Variants in RBFOX1 observed in about 807,000 individuals in gnomAD.
RBFOX1 encodes the protein RNA binding fox-1 homolog 1.
RBFOX1 carries 8 observed loss-of-function variants against 57.7 expected under a neutral mutation model. The ratio of observed to expected loss-of-function variants is 0.14; its 90% CI spans 0.08 to 0.25. The LOEUF (loss-of-function observed/expected upper bound fraction) is 0.25. Ranked by LOEUF, RBFOX1 falls within the 10% of genes least tolerant of loss-of-function variation. The pLI is 1.00. For synonymous variants in RBFOX1, 326 were observed against 222.4 expected, an observed-to-expected ratio of 1.47 and a Z score of -4.15; for missense variants, 611 against 548.5, an observed-to-expected ratio of 1.11 and a Z score of -1.14.
chr16:6,986,415 T>C (rs752489330), intron 3 of RBFOX1, among the ~76,000 whole-genome samples: 3 of 151,916 alleles, frequency 2.0e-5, no homozygotes, highest in Non-Finnish European at 4.4e-5. Context: ...GCCAGGCTGG[T>C]CTGGAACTCC....
At chr16:7,120,828 TATAC>T (rs1205952352) in intron 4 of RBFOX1, among the ~76,000 whole-genome samples, 3 of 32,548 alleles carry the variant, frequency 9.2e-5, no homozygotes, top group Non-Finnish European at 1.3e-4. Context: ...TATATGTATA[TATAC>T]ACACACACAC....
chr16:5,526,775 T>A (rs956144057), intron 2 of RBFOX1, among the ~76,000 whole-genome samples: 1 of 152,312 alleles, frequency 6.6e-6, no homozygotes, highest in African/African-American at 2.4e-5. Context: ...ACCTACTGCC[T>A]GGCACACACT....
intron 3 of RBFOX1, among the ~76,000 whole-genome samples, chr16:7,022,234 G>T (rs2039519568): frequency 6.6e-6 from 1 of 150,498 alleles, no homozygotes; most frequent in Non-Finnish European, 1.5e-5. Flanking sequence ...GTATTCTTTG[G>T]TAGAGACGGG....
intron 10 of RBFOX1, among the ~76,000 whole-genome samples, chr16:7,626,469 G>A (rs1017635754): frequency 1.1e-4 from 17 of 152,122 alleles, no homozygotes; most frequent in Non-Finnish European, 2.2e-4. Context: ...CGATGATCCC[G>A]GCACTCAGAG....
chr16:6,842,864 C>A (rs567259210), intron 3 of RBFOX1, among the ~76,000 whole-genome samples: 2 of 151,942 alleles, frequency 1.3e-5, no homozygotes, highest in Non-Finnish European at 2.9e-5. Flanking sequence ...ATGTTCCCCT[C>A]CCTGTGTCCA....
At chr16:6,842,472 G>T (rs189537195) in intron 3 of RBFOX1, among the ~76,000 whole-genome samples, 1 of 151,982 alleles carries the variant, frequency 6.6e-6, no homozygotes, top group Non-Finnish European at 1.5e-5. Flanking sequence ...ATATGAATGT[G>T]TGTGTTTGTT....
chr16:5,872,553 G>A (rs1229872093), intron 4 of RBFOX1, among the ~76,000 whole-genome samples: 1 of 151,826 alleles, frequency 6.6e-6, no homozygotes, highest in Non-Finnish European at 1.5e-5. Flanking sequence ...CAACAGATGA[G>A]GAAGAACCGA....
At chr16:7,326,016 C>T (rs922827844) in intron 4 of RBFOX1, among the ~76,000 whole-genome samples, 1 of 152,144 alleles carries the variant, frequency 6.6e-6, no homozygotes, top group African/African-American at 2.4e-5. Context: ...GTATTACAGG[C>T]ATGTAGGGAA....
intron 2 of RBFOX1, among the ~76,000 whole-genome samples, chr16:6,596,319 C>G (rs1040093955): frequency 3.9e-5 from 6 of 152,138 alleles, no homozygotes; most frequent in African/African-American, 1.2e-4. Context: ...GCATTTGTAT[C>G]TTTGCATATG....
intron 2 of RBFOX1, among the ~76,000 whole-genome samples, chr16:6,320,934 C>T (rs1226903423): frequency 1.3e-5 from 2 of 152,114 alleles, no homozygotes; most frequent in Non-Finnish European, 2.9e-5. Flanking sequence ...GCTGAGATTA[C>T]AGGCACCCAC....
chr16:6,990,440 G>C (rs747414634), intron 3 of RBFOX1, among the ~76,000 whole-genome samples: 1 of 152,034 alleles, frequency 6.6e-6, no homozygotes, highest in Non-Finnish European at 1.5e-5. Context: ...CAGGAGAATC[G>C]CTTGAACCTG....
chr16:5,714,504 G>A (rs1422671915), intron 3 of RBFOX1, among the ~76,000 whole-genome samples: 6 of 152,322 alleles, frequency 3.9e-5, no homozygotes, highest in African/African-American at 1.4e-4. Context: ...AGGTGCATAG[G>A]CAGAGGTATC....
intron 3 of RBFOX1, among the ~76,000 whole-genome samples, chr16:5,664,519 C>A (rs1382311277): frequency 6.6e-6 from 1 of 152,152 alleles, no homozygotes; most frequent in Non-Finnish European, 1.5e-5. Flanking sequence ...TGCACTCCAG[C>A]CTAGTGACAG....
chr16:7,257,253 T>C (rs2094727416), intron 4 of RBFOX1, among the ~76,000 whole-genome samples: 1 of 152,070 alleles, frequency 6.6e-6, no homozygotes, highest in Admixed American at 6.6e-5. Context: ...GAGAGTGCGA[T>C]CCCTGACTGG....
chr16:6,637,674 C>G (rs1390513749), intron 2 of RBFOX1, among the ~76,000 whole-genome samples: 1 of 149,732 alleles, frequency 6.7e-6, no homozygotes, highest in Non-Finnish European at 1.5e-5. Context: ...AATTGGGAGC[C>G]AGATGATGAA....
chr16:6,801,958 G>C (rs1333168055), intron 3 of RBFOX1, among the ~76,000 whole-genome samples: 1 of 152,082 alleles, frequency 6.6e-6, no homozygotes, highest in African/African-American at 2.4e-5. Context: ...AATGGGTCTA[G>C]GTGCTGGGGT....
At chr16:6,237,529 G>A (rs566933415) in intron 1 of RBFOX1, among the ~76,000 whole-genome samples, 2 of 152,190 alleles carry the variant, frequency 1.3e-5, no homozygotes, top group South Asian at 4.2e-4. Context: ...GGATTACGAG[G>A]TCAGGAGTTC....
In RBFOX1 at chr16:7,011,682, T is replaced by G. The variant is rs191326258; in HGVS notation, c.-15-40375T>G. ...GTGCCTGCCACCATGCTCGGCTAAT[T>G]TTTTGTATTTTTAGTAGAGATGGGA... On this transcript the variant is annotated intron_variant, in intron 3 of 15. Coordinates refer to ENST00000550418, the MANE Select transcript of RBFOX1 (RefSeq NM_018723.4). 3.0e-3 allele frequency among the ~76,000 whole-genome samples: 451 copies of G among 152,176 alleles called. 5 individuals carry two copies. The highest frequency in any genetic ancestry group is 0.01 in the African/African-American group (425 of 41,504).
intron 4 of RBFOX1, among the ~76,000 whole-genome samples, chr16:7,455,488 A>G (rs550616391): frequency 6.6e-6 from 1 of 152,140 alleles, no homozygotes; most frequent in Non-Finnish European, 1.5e-5. Flanking sequence ...TGGGGATAAT[A>G]TAAGAAATCT....
Sources: allele counts gnomAD v4.1 joint callset (sites outside exome capture counted in the v4.1 genomes callset), GRCh38; gene constraint gnomAD v4.1.1; transcripts MANE v1.5; gene names NCBI Gene and HGNC (gene_info 2026-07-23, HGNC 2026-07-21).